Variants in LINC00305 observed in about 807,000 individuals in gnomAD.
LINC00305 encodes long intergenic non-protein coding RNA 305.
chr18:64,124,563 A>T (rs2051376744), intron 1 of LINC00305, among the ~76,000 whole-genome samples: 2 of 152,164 alleles, frequency 1.3e-5, no homozygotes, highest in Non-Finnish European at 2.9e-5. Flanking sequence ...ACAAGTCTTA[A>T]TATGTCCCAA....
chr18:64,108,989 C>T (rs2051303843), intron 1 of LINC00305, among the ~76,000 whole-genome samples: 1 of 152,218 alleles, frequency 6.6e-6, no homozygotes, highest in South Asian at 2.1e-4. Context: ...GAGGAGAAAG[C>T]TCTGCCTAAA....
chr18:64,132,915 G>T (rs1233465935), intron 1 of LINC00305, among the ~76,000 whole-genome samples: 1 of 152,182 alleles, frequency 6.6e-6, no homozygotes, highest in Non-Finnish European at 1.5e-5. Context: ...AATAAAGTCA[G>T]GAAAGATGGA....
chr18:64,116,457 C>T (rs1235753161), intron 1 of LINC00305, among the ~76,000 whole-genome samples: 3 of 152,204 alleles, frequency 2.0e-5, no homozygotes, highest in African/African-American at 7.2e-5. Flanking sequence ...ATAAGATTGA[C>T]ATTAACCGTT....
In LINC00305 at chr18:64,087,100, AT is replaced by A. The variant is rs538602240; in HGVS notation, n.541-6699del. 2.0e-3 allele frequency among the ~76,000 whole-genome samples: 300 copies of A among 152,368 alleles called. 4 individuals are homozygous for A. Among genetic ancestry groups the A allele is most frequent in the Non-Finnish European group, 3.1e-3 (214 of 68,028 alleles). The stretch of plus-strand genomic sequence containing the variant: ...GCAAATTACAGTTTCTCAAATCAAT[AT>A]TAGGAAATAATTATTATACACATGG... On this transcript the variant is annotated intron_variant and non_coding_transcript_variant, in intron 3 of 3. Transcript: ENST00000666468.
intron 1 of LINC00305, among the ~76,000 whole-genome samples, chr18:64,128,552 G>A (rs1363436437): frequency 2.0e-5 from 3 of 152,026 alleles, no homozygotes; most frequent in African/African-American, 7.2e-5. Context: ...ATCGCAGCCA[G>A]CCATCACCTT....
intron 1 of LINC00305, among the ~76,000 whole-genome samples, chr18:64,108,033 G>C (rs1320432137): frequency 6.6e-6 from 1 of 152,182 alleles, no homozygotes. Flanking sequence ...TTGGTGATTG[G>C]TGTGCTACTG....
intron 1 of LINC00305, among the ~76,000 whole-genome samples, chr18:64,141,920 C>A (rs930517497): frequency 3.9e-5 from 6 of 152,160 alleles, no homozygotes; most frequent in African/African-American, 1.2e-4. Flanking sequence ...ATGTTTAAGG[C>A]TGATTAATCT....
At chr18:64,140,990 G>T (rs1274441921) in intron 1 of LINC00305, among the ~76,000 whole-genome samples, 1 of 145,248 alleles carries the variant, frequency 6.9e-6, no homozygotes, top group East Asian at 2.1e-4. Flanking sequence ...CCAGCAAGGC[G>T]ATGGGAACCT....
intron 3 of LINC00305, among the ~76,000 whole-genome samples, chr18:64,083,878 G>A (rs776322914): frequency 7.9e-5 from 12 of 152,104 alleles, no homozygotes; most frequent in South Asian, 6.2e-4. Flanking sequence ...AATCTGACTC[G>A]AATGTCATTA....
intron 3 of LINC00305, among the ~76,000 whole-genome samples, chr18:64,081,957 G>T (rs1181435608): frequency 2.6e-5 from 4 of 152,122 alleles, no homozygotes; most frequent in Admixed American, 6.6e-5. Flanking sequence ...GGGAAAAGGG[G>T]CCTCTTTTAA....
chr18:64,116,875 T>G (rs1188049854), intron 1 of LINC00305, among the ~76,000 whole-genome samples: 1 of 152,192 alleles, frequency 6.6e-6, no homozygotes, highest in East Asian at 1.9e-4. Context: ...TCCATGGAAA[T>G]GAGTCCTGGG....
At chr18:64,137,291 C>T (rs2051439392) in intron 1 of LINC00305, among the ~76,000 whole-genome samples, 2 of 152,232 alleles carry the variant, frequency 1.3e-5, no homozygotes, top group South Asian at 2.1e-4. Context: ...TGGAGCATGG[C>T]CCTGCCAGCA....
At chr18:64,146,842 A>AGT (rs533373908) in intron 1 of LINC00305, among the ~76,000 whole-genome samples, 144 of 151,848 alleles carry the variant, frequency 9.5e-4, no homozygotes, top group South Asian at 3.1e-3. Context: ...GGGAGGTTTA[A>AGT]GTGTGTGTGT....
At chr18:64,114,522 T>C (rs2051329302) in intron 1 of LINC00305, among the ~76,000 whole-genome samples, 1 of 152,198 alleles carries the variant, frequency 6.6e-6, no homozygotes, top group African/African-American at 2.4e-5. Context: ...TACTTATTCA[T>C]AAAAATATTC....
At chr18:64,132,936 G>A (rs939508063) in intron 1 of LINC00305, among the ~76,000 whole-genome samples, 1 of 152,208 alleles carries the variant, frequency 6.6e-6, no homozygotes, top group African/African-American at 2.4e-5. Flanking sequence ...GGGCCTGGCT[G>A]TGTGGCCAGC....
intron 1 of LINC00305, among the ~76,000 whole-genome samples, chr18:64,112,900 A>T (rs1186600426): frequency 6.6e-6 from 1 of 151,994 alleles, no homozygotes. Flanking sequence ...CATCCCCCAT[A>T]CTCCAGGGAG....
chr18:64,130,352 T>C (rs1332287887), intron 1 of LINC00305, among the ~76,000 whole-genome samples: 1 of 152,152 alleles, frequency 6.6e-6, no homozygotes, highest in Non-Finnish European at 1.5e-5. Flanking sequence ...ATTAGGTCCC[T>C]TTTTCTTACA....
chr18:64,139,503 A>G (rs905107541), intron 1 of LINC00305: 4 of 152,242 alleles, frequency 2.6e-5, no homozygotes, highest in African/African-American at 9.6e-5. Context: ...TTAATTGAAC[A>G]CATCAGTCCA....
chr18:64,087,269 G>A (rs897570377), intron 3 of LINC00305, among the ~76,000 whole-genome samples: 1 of 151,874 alleles, frequency 6.6e-6, no homozygotes, highest in Non-Finnish European at 1.5e-5. Context: ...TAAAAAATGG[G>A]GTTTGATAGA....
Sources: gnomAD v4.1 joint callset for allele counts (sites outside exome capture counted in the v4.1 genomes callset) on GRCh38, gnomAD v4.1.1 for gene constraint, MANE v1.5 for transcripts, NCBI Gene and HGNC (gene_info 2026-07-23, HGNC 2026-07-21) for gene names.